The following UNC50 variants were observed in gnomAD, a reference collection of about 807,000 sequenced individuals.
The protein encoded by UNC50 is unc-50 inner nuclear membrane RNA binding protein.
UNC50 carries 24 observed loss-of-function variants against 31.5 expected under a neutral mutation model. The observed-to-expected ratio is 0.76, with a 90% CI of 0.55 to 1.07. The LOEUF (loss-of-function observed/expected upper bound fraction) is 1.07. UNC50 is among the 50% of genes least tolerant of loss of function. UNC50 has a pLI of 0.00. For synonymous variants in UNC50, 118 were observed against 114.7 expected, an observed-to-expected ratio of 1.03 and a Z score of -0.18; for missense variants, 245 against 304.2, an observed-to-expected ratio of 0.81 and a Z score of 1.45.
intron 3 of UNC50, among the ~76,000 whole-genome samples, chr2:98,615,241 G>A (rs1700901776): frequency 6.6e-6 from 1 of 151,990 alleles, no homozygotes; most frequent in Non-Finnish European, 1.5e-5. Flanking sequence ...ACATCATTCA[G>A]GCCCGTGGCT....
chr2:98,611,916 T>C (rs908839448), intron 3 of UNC50, among the ~76,000 whole-genome samples: 1 of 151,066 alleles, frequency 6.6e-6, no homozygotes, highest in Non-Finnish European at 1.5e-5. Context: ...TTCTCATGCC[T>C]TCCTACTGAG....
chr2:98,616,239 A>G lies in UNC50; in HGVS notation c.434A>G (p.Gln145Arg). 4 of 1,613,964 alleles carry G rather than the reference A, an allele frequency of 2.5e-6. No individual in the cohort carries two copies. The highest frequency in any genetic ancestry group is 3.4e-6 in the Non-Finnish European group (4 of 1,179,944). The change falls in exon 4 of 6, where the codon CAG becomes CGG. Residue 145 changes from glutamine (Q) to arginine (R), a missense_variant. Coordinates refer to ENST00000357765, the MANE Select transcript of UNC50 (RefSeq NM_014044.7). ...TCTAACAAGTATTTAGTGAAACGAC[A>G]GAGCAGAGACTATGATGTGGAATGG... is the stretch of plus-strand genomic sequence containing the variant. ...FISNKYLVKR[Q>R]SRDYDVEWGY...
chr2:98,617,537 G>A (rs976645427), intron 5 of UNC50, among the ~76,000 whole-genome samples: 1 of 150,934 alleles, frequency 6.6e-6, no homozygotes, highest in Non-Finnish European at 1.5e-5. Context: ...AATAGTTGGA[G>A]TACAGCTCAG....
chr2:98,609,726 G>C (rs1700789363), intron 1 of UNC50, 30 bp from the exon 2 acceptor site: 1 of 1,613,484 alleles, frequency 6.2e-7, no homozygotes, highest in East Asian at 2.2e-5. Flanking sequence ...TTCAGAATAC[G>C]TGTAAAAGAA....
At chr2:98,617,332 C>A (rs1413562799) in intron 5 of UNC50, among the ~76,000 whole-genome samples, 1 of 152,190 alleles carries the variant, frequency 6.6e-6, no homozygotes, top group Admixed American at 6.5e-5. Context: ...TCTCTCCCCC[C>A]TTGGCTGGTT....
intron 2 of UNC50, 33 bp from the exon 3 acceptor site, chr2:98,610,742 T>C: frequency 6.2e-7 from 1 of 1,610,970 alleles, no homozygotes; most frequent in Non-Finnish European, 8.5e-7. Flanking sequence ...CCTAGCAGAG[T>C]CCCTAAATGA....
intron 5 of UNC50, 147 bp from the exon 6 acceptor site, chr2:98,618,021 T>C (rs1700961996): frequency 1.2e-6 from 1 of 859,212 alleles, no homozygotes; most frequent in African/African-American, 1.7e-5. Context: ...AGTCTAGTTC[T>C]GGGCATAAAT....
At chr2:98,613,561 A>T (rs1322439963) in intron 3 of UNC50, among the ~76,000 whole-genome samples, 1 of 152,204 alleles carries the variant, frequency 6.6e-6, no homozygotes, top group East Asian at 1.9e-4. Context: ...TTATAAAACC[A>T]TCAGATCTTG....
intron 3 of UNC50, among the ~76,000 whole-genome samples, chr2:98,611,534 G>A (rs1418208186): frequency 2.0e-5 from 3 of 152,186 alleles, no homozygotes; most frequent in African/African-American, 4.8e-5. Flanking sequence ...CTTGTCTCAG[G>A]TGAGTAGAAG....
chr2:98,617,030 T>C (rs747744671), intron 5 of UNC50, among the ~76,000 whole-genome samples: 3 of 152,250 alleles, frequency 2.0e-5, no homozygotes, highest in African/African-American at 7.2e-5. Flanking sequence ...ACCGTATGGT[T>C]CTGTAGACAA....
chr2:98,615,318 C>G (rs914164975), intron 3 of UNC50, among the ~76,000 whole-genome samples: 2 of 152,180 alleles, frequency 1.3e-5, no homozygotes, highest in Non-Finnish European at 2.9e-5. Flanking sequence ...CTTCTAAACT[C>G]TAGACATTGT....
chr2:98,615,766 CAA>C (rs1266883368), intron 3 of UNC50, among the ~76,000 whole-genome samples: 4 of 152,276 alleles, frequency 2.6e-5, no homozygotes, highest in Admixed American at 2.6e-4. Context: ...GAATAAAAGC[CAA>C]AGATTGTAAA....
At chr2:98,612,171 T>C (rs1035869529) in intron 3 of UNC50, among the ~76,000 whole-genome samples, 6 of 152,170 alleles carry the variant, frequency 3.9e-5, no homozygotes, top group Non-Finnish European at 2.9e-5. Context: ...TGGGTAGACA[T>C]GGTGGTCATT....
At chr2:98,614,022 G>C (rs139327690) in intron 3 of UNC50, among the ~76,000 whole-genome samples, 46 of 152,328 alleles carry the variant, frequency 3.0e-4, no homozygotes, top group African/African-American at 1.0e-3. Context: ...GATGTGACTA[G>C]AGAAATTGGC....
chr2:98,616,186 A>G, intron 3 of UNC50, 21 bp from the exon 4 acceptor site: 1 of 1,591,588 alleles, frequency 6.3e-7, no homozygotes, highest in Non-Finnish European at 8.5e-7. Context: ...ATTATGAAAG[A>G]AATTTTAATT....
chr2:98,614,215 A>G (rs946580463), intron 3 of UNC50, among the ~76,000 whole-genome samples: 2 of 152,216 alleles, frequency 1.3e-5, no homozygotes, highest in Non-Finnish European at 1.5e-5. Context: ...GGCTGGATAC[A>G]CTTGCAGAGG....
intron 3 of UNC50, among the ~76,000 whole-genome samples, chr2:98,613,513 G>A (rs1203678443): frequency 6.6e-6 from 1 of 152,196 alleles, no homozygotes; most frequent in South Asian, 2.1e-4. Context: ...ACAGGGTGGC[G>A]GGATGGAGTG....
Position 98,608,740 on chromosome 2 carries a change from A to C in UNC50, c.-5+14A>C. The C allele has an allele frequency of 2.6e-6, 1 of 379,490 alleles. No homozygotes were observed. The highest frequency in any genetic ancestry group is 4.9e-6 in the Non-Finnish European group (1 of 204,712). 23.5% of individuals were successfully genotyped at this position (379,490 alleles called of 1,614,324 possible). Reference sequence around the variant, plus strand: ...GCAGGACTCCAGGTGAGGCCTGAGGACCACTCTGCCCTCCCGCGGCCCGGG... The same window carrying C: ...GCAGGACTCCAGGTGAGGCCTGAGGCCCACTCTGCCCTCCCGCGGCCCGGG... On this transcript the variant is annotated intron_variant, in intron 1 of 5. Coordinates refer to ENST00000357765, the MANE Select transcript of UNC50 (RefSeq NM_014044.7).
chr2:98,609,112 GC>G (rs1700770666), intron 1 of UNC50: 1 of 154,176 alleles, frequency 6.5e-6, no homozygotes, highest in South Asian at 1.9e-4. Context: ...CGTCTGGGGG[GC>G]CTGCGAAGTG....
Sources: allele counts gnomAD v4.1 joint callset (sites outside exome capture counted in the v4.1 genomes callset), GRCh38; gene constraint gnomAD v4.1.1; transcripts MANE v1.5; gene names NCBI Gene and HGNC (gene_info 2026-07-23, HGNC 2026-07-21).